LRCH1: variants seen among roughly 807,000 people sequenced by gnomAD.
LRCH1 encodes the protein leucine rich repeats and calponin homology domain containing 1, also known as leucine-rich repeat and calponin homology domain-containing protein 1.
LRCH1 carries 23 observed loss-of-function variants against 94.9 expected under a neutral mutation model. The ratio of observed to expected loss-of-function variants is 0.24; its 90% CI spans 0.17 to 0.34. The LOEUF is 0.34. Among genes scored for constraint, LRCH1 ranks in the 10% least tolerant of loss-of-function variants. The pLI is 1.00. For missense variants in LRCH1, 790 were observed against 945.9 expected (o/e 0.84, Z 2.16); for synonymous variants, 364 against 354.9 (o/e 1.03, Z -0.29).
At position 46,596,105 on chromosome 13, in the gene LRCH1, G is replaced by A. The variant is rs184765487; in HGVS notation, c.307+42402G>A. Among the ~76,000 whole-genome samples the A allele has an allele frequency of 2.4e-3, 366 of 152,330 alleles. 4 individuals are homozygous for A. Among genetic ancestry groups the A allele is most frequent in the African/African-American group, 8.3e-3 (345 of 41,568 alleles). ...TTCCTATTTTAGTTTCAAAGGAAAGGAGGAGGAGCTGAGGTTTGGATGGTT... is the reference window on the plus strand; with the variant it reads ...TTCCTATTTTAGTTTCAAAGGAAAGAAGGAGGAGCTGAGGTTTGGATGGTT... On this transcript the variant is annotated intron_variant, in intron 1 of 19. Transcript: ENST00000389797.
rs780391701 is a variant in LRCH1 at position 46,742,241 on chromosome 13, T to TGG, written c.*395_*396dup. 45 of 1,080,344 alleles carry TGG rather than the reference T, an allele frequency of 4.2e-5. No homozygotes were observed. Among genetic ancestry groups the TGG allele is most frequent in the Non-Finnish European group, 2.6e-5 (23 of 888,218 alleles). The allele number at this position is 1,080,344 out of a possible 1,614,324, so 66.9% of individuals were successfully genotyped here. On this transcript the variant is annotated 3_prime_UTR_variant, in exon 20 of 20. Coordinates refer to ENST00000389797, the MANE Select transcript of LRCH1 (RefSeq NM_001164211.2). ...ATTTAGCATATGGAAGTCTTTCCTT[T>TGG]GGGTCAGTATTGAACTAGAATTCTA...
intron 1 of LRCH1, among the ~76,000 whole-genome samples, chr13:46,613,908 A>G (rs2050775445): frequency 6.6e-6 from 1 of 152,108 alleles, no homozygotes; most frequent in Non-Finnish European, 1.5e-5. Flanking sequence ...ATTTTGCCTC[A>G]TCAGCACTTC....
At chr13:46,682,090 G>A (rs1870341612) in intron 4 of LRCH1, among the ~76,000 whole-genome samples, 1 of 152,108 alleles carries the variant, frequency 6.6e-6, no homozygotes, top group South Asian at 2.1e-4. Flanking sequence ...TGGGGCACGG[G>A]GGTGGACGTG....
At chr13:46,713,405 G>C (rs1872169825) in intron 15 of LRCH1, among the ~76,000 whole-genome samples, 1 of 152,180 alleles carries the variant, frequency 6.6e-6, no homozygotes, top group Admixed American at 6.5e-5. Flanking sequence ...AGATGTTCTT[G>C]AGTTCTCCAG....
chr13:46,744,068 T>G lies in LRCH1; in HGVS notation c.*2220T>G. 1 of 985,436 alleles carries G rather than the reference T, an allele frequency of 1.0e-6. No homozygotes were observed. Among genetic ancestry groups the G allele is most frequent in the Non-Finnish European group, 1.2e-6 (1 of 829,932 alleles). 61.0% of individuals were successfully genotyped at this position (985,436 alleles called of 1,614,324 possible). On this transcript the variant is annotated 3_prime_UTR_variant, in exon 20 of 20. Transcript: ENST00000389797. The stretch of plus-strand genomic sequence containing the variant: ...AGGCAAAAATTTGAATGAACTGTTC[T>G]GTCCATTGCCAACCCATTAATTTCT...
chr13:46,731,276 C>T (rs555237887), intron 18 of LRCH1, among the ~76,000 whole-genome samples: 25 of 152,184 alleles, frequency 1.6e-4, no homozygotes, highest in Admixed American at 3.9e-4. Context: ...TCTCCTCTGT[C>T]GCCCAGGCAG....
intron 2 of LRCH1, among the ~76,000 whole-genome samples, chr13:46,667,415 G>C (rs2051531449): frequency 6.6e-6 from 1 of 151,182 alleles, no homozygotes. Context: ...AAAGTGCACA[G>C]ATCATAAGTA....
At chr13:46,599,218 C>G (rs1422805812) in intron 1 of LRCH1, among the ~76,000 whole-genome samples, 1 of 152,172 alleles carries the variant, frequency 6.6e-6, no homozygotes, top group African/African-American at 2.4e-5. Context: ...CATGTATACA[C>G]CACATTTTGT....
intron 1 of LRCH1, among the ~76,000 whole-genome samples, chr13:46,599,125 T>C (rs2050598899): frequency 6.6e-6 from 1 of 152,252 alleles, no homozygotes; most frequent in Non-Finnish European, 1.5e-5. Flanking sequence ...TTACTTAGCA[T>C]TATATAATGT....
chr13:46,729,200 A>G (rs1487759684), intron 18 of LRCH1, among the ~76,000 whole-genome samples: 1 of 152,126 alleles, frequency 6.6e-6, no homozygotes, highest in South Asian at 2.1e-4. Context: ...AAATATATAA[A>G]TGACAGAAAC....
chr13:46,579,812 A>T (rs1304849374), intron 1 of LRCH1, among the ~76,000 whole-genome samples: 1 of 152,228 alleles, frequency 6.6e-6, no homozygotes, highest in African/African-American at 2.4e-5. Context: ...TGTTTAAACA[A>T]AACTTTTGTT....
intron 3 of LRCH1, among the ~76,000 whole-genome samples, chr13:46,674,221 T>C (rs1002562652): frequency 3.3e-5 from 5 of 152,258 alleles, no homozygotes; most frequent in Admixed American, 1.3e-4. Flanking sequence ...GTGAAAGGAA[T>C]TGGAGTTGGA....
chr13:46,736,842 T>C (rs1249780687), intron 19 of LRCH1, among the ~76,000 whole-genome samples: 1 of 152,242 alleles, frequency 6.6e-6, no homozygotes, highest in East Asian at 1.9e-4. Context: ...CCTGTAGATA[T>C]TGAAAAGTCA....
intron 1 of LRCH1, among the ~76,000 whole-genome samples, chr13:46,632,743 G>T (rs1212078477): frequency 3.9e-5 from 6 of 152,150 alleles, no homozygotes; most frequent in African/African-American, 1.4e-4. Flanking sequence ...ATGAATTCTA[G>T]ATGTGTAAAT....
intron 13 of LRCH1, among the ~76,000 whole-genome samples, chr13:46,707,078 A>T (rs955898539): frequency 6.6e-6 from 1 of 152,122 alleles, no homozygotes; most frequent in East Asian, 1.9e-4. Context: ...CCATCCTCCA[A>T]ATTTGTGAGT....
At chr13:46,681,935 T>TG (rs1870326900) in intron 4 of LRCH1, 89 bp downstream of exon 4, 49 of 694,120 alleles carry the variant, frequency 7.1e-5, no homozygotes, top group South Asian at 3.7e-4. Context: ...AGGGTCGATC[T>TG]TTGTGTGTGT....
In LRCH1 at chr13:46,607,611, CTTCTCT is replaced by C. The variant is rs1475385004; in HGVS notation, c.308-42584_308-42579del. Among the ~76,000 whole-genome samples the C allele has an allele frequency of 5.3e-5, 8 of 151,608 alleles. No homozygotes were observed. In the East Asian group the frequency reaches 1.2e-3, roughly 22 times the overall value. On this transcript the variant is annotated intron_variant, in intron 1 of 19. Transcript: ENST00000389797. ...TCTCCTTTTTCTCCTTCTCCTTCTC[CTTCTCT>C]TTCTCCCCTTCCTCCTCTTCCTTCT...
At chr13:46,611,657 G>T (rs942973208) in intron 1 of LRCH1, among the ~76,000 whole-genome samples, 16 of 152,182 alleles carry the variant, frequency 1.1e-4, no homozygotes, top group African/African-American at 3.4e-4. Context: ...TGCTGTGAGT[G>T]TAAAATACAT....
intron 1 of LRCH1, among the ~76,000 whole-genome samples, chr13:46,619,665 G>C (rs1318761065): frequency 6.6e-6 from 1 of 152,200 alleles, no homozygotes; most frequent in Non-Finnish European, 1.5e-5. Context: ...CTCTGTGTTT[G>C]AAATCAGAAG....
Sources: allele counts gnomAD v4.1 joint callset (sites outside exome capture counted in the v4.1 genomes callset), GRCh38; gene constraint gnomAD v4.1.1; transcripts MANE v1.5; gene names NCBI Gene and HGNC (gene_info 2026-07-23, HGNC 2026-07-21).